SLCO2A1: variants seen among roughly 807,000 people sequenced by gnomAD.
The protein encoded by SLCO2A1 is matrin F/G 1.
SLCO2A1 carries 60 observed loss-of-function variants against 71.7 expected under a neutral mutation model. The observed-to-expected ratio is 0.84, with a 90% CI of 0.68 to 1.04. The LOEUF is 1.04. SLCO2A1 is among the 50% of genes least tolerant of loss of function. The pLI is 0.00. For missense variants in SLCO2A1, 745 were observed against 813.4 expected (o/e 0.92, Z 1.02); for synonymous variants, 308 against 326.7 (o/e 0.94, Z 0.62).
At chr3:133,993,107 C>T (rs1010294642) in intron 1 of SLCO2A1, among the ~76,000 whole-genome samples, 4 of 152,362 alleles carry the variant, frequency 2.6e-5, no homozygotes, top group South Asian at 4.1e-4. Flanking sequence ...GAGTTTTGCT[C>T]CTGCTGGAGT....
intron 3 of SLCO2A1, among the ~76,000 whole-genome samples, chr3:133,956,757 C>G (rs900511009): frequency 1.3e-5 from 2 of 152,116 alleles, no homozygotes; most frequent in Non-Finnish European, 2.9e-5. Flanking sequence ...ACAGCTGGAA[C>G]AGCTTGTTAG....
chr3:134,004,167 T>C (rs1444560641), intron 1 of SLCO2A1, among the ~76,000 whole-genome samples: 1 of 152,008 alleles, frequency 6.6e-6, no homozygotes, highest in African/African-American at 2.4e-5. Flanking sequence ...GGTTGAACCA[T>C]GTGTTAGACA....
At position 133,948,533 on chromosome 3, in the gene SLCO2A1, C is replaced by T; in HGVS notation, c.1105+3G>A. On this transcript the variant is annotated splice_donor_region_variant and intron_variant, in intron 8 of 13. Transcript: ENST00000310926. ...CGGATCCTGCAGCACCCTCTGGGCTCACCAATGAGGAAGTTGGCATAGGCT... is the reference window on the plus strand; with the variant it reads ...CGGATCCTGCAGCACCCTCTGGGCTTACCAATGAGGAAGTTGGCATAGGCT... 9 of 1,612,650 alleles carry T rather than the reference C, an allele frequency of 5.6e-6. No homozygotes were observed. Among genetic ancestry groups the T allele is most frequent in the Non-Finnish European group, 7.6e-6 (9 of 1,179,284 alleles).
rs144748248 is a variant in SLCO2A1 at position 133,973,765 on chromosome 3, G to A, written c.295C>T (p.Arg99Cys). 118 of 1,614,066 alleles carry A rather than the reference G, an allele frequency of 7.3e-5. No individual in the cohort carries two copies. Among genetic ancestry groups the A allele is most frequent in the Admixed American group, 5.8e-4 (35 of 60,028 alleles). ...AAGAGACCTCCGATGCCAATCAGAC[G>A]TGGACGGTGCACCCGGCTGCCAAAG... is the stretch of plus-strand genomic sequence containing the variant. ...SYFGSRVHRP[R>C]LIGIGGLFLA... Residue 99 changes from arginine (R) to cysteine (C), a missense_variant, in exon 3 of 14, where the codon CGT (arginine) becomes TGT (cysteine). Coordinates refer to ENST00000310926, the MANE Select transcript of SLCO2A1 (RefSeq NM_005630.3).
At position 133,935,907 on chromosome 3, in the gene SLCO2A1, G is replaced by A; in HGVS notation, c.1691-10C>T. On this transcript the variant is annotated splice_polypyrimidine_tract_variant and intron_variant, in intron 12 of 13. Transcript: ENST00000310926. ...GGAGATGGCAGCCAGGCTGGAAGAGGGTTCAGAAAGCCCTGGTCAGGTGGA... is the reference window on the plus strand; with the variant it reads ...GGAGATGGCAGCCAGGCTGGAAGAGAGTTCAGAAAGCCCTGGTCAGGTGGA... The A allele has an allele frequency of 6.3e-7, 1 of 1,581,438 alleles. No homozygotes were observed. Among genetic ancestry groups the A allele is most frequent in the Non-Finnish European group, 8.6e-7 (1 of 1,162,016 alleles).
chr3:133,974,257 G>A (rs1576441975), intron 2 of SLCO2A1, among the ~76,000 whole-genome samples: 2 of 152,298 alleles, frequency 1.3e-5, no homozygotes, highest in South Asian at 2.1e-4. Context: ...AGTTTAATTA[G>A]GTACAAATTA....
intron 4 of SLCO2A1, among the ~76,000 whole-genome samples, chr3:133,954,367 G>A (rs1576432364): frequency 6.6e-6 from 1 of 152,128 alleles, no homozygotes; most frequent in East Asian, 1.9e-4. Context: ...TCTCCATGTT[G>A]ATCAGGCTGG....
intron 10 of SLCO2A1, among the ~76,000 whole-genome samples, chr3:133,943,722 A>C (rs77562428): frequency 0.045 from 6,821 of 152,286 alleles, 512 homozygotes; most frequent in African/African-American, 0.16. Flanking sequence ...AAGTTAACAA[A>C]GATAAGAAAA....
chr3:133,955,395 A>T, intron 3 of SLCO2A1: 2 of 580,978 alleles, frequency 3.4e-6, no homozygotes. Context: ...AAGGTGTGAA[A>T]GAGAGGTGGA....
At chr3:134,028,423 T>A (rs1247836778) in intron 1 of SLCO2A1, among the ~76,000 whole-genome samples, 1 of 152,276 alleles carries the variant, frequency 6.6e-6, no homozygotes, top group African/African-American at 2.4e-5. Flanking sequence ...ATTTGGAGAT[T>A]ATTTTAAGCT....
At chr3:133,987,416 A>C (rs1934742406) in intron 1 of SLCO2A1, among the ~76,000 whole-genome samples, 1 of 151,936 alleles carries the variant, frequency 6.6e-6, no homozygotes, top group Non-Finnish European at 1.5e-5. Flanking sequence ...ATCGCAACCC[A>C]GACATTTCCT....
At chr3:133,981,148 T>A (rs1348198541) in intron 1 of SLCO2A1, among the ~76,000 whole-genome samples, 2 of 152,230 alleles carry the variant, frequency 1.3e-5, no homozygotes, top group African/African-American at 2.4e-5. Flanking sequence ...GGGGCTTAGA[T>A]GCTAGTCACC....
At position 133,958,572 on chromosome 3, in the gene SLCO2A1, C is replaced by T. The variant is rs1451473405; in HGVS notation, c.398-3379G>A. Among the ~76,000 whole-genome samples, 3 of 152,184 alleles carry T rather than the reference C, an allele frequency of 2.0e-5. No homozygotes were observed. In the East Asian group the frequency reaches 5.8e-4, roughly 29 times the overall value. On this transcript the variant is annotated intron_variant, in intron 3 of 13. Transcript: ENST00000310926. The stretch of plus-strand genomic sequence containing the variant: ...AAAGAGAGCTAAGCCAGCTGCTCAG[C>T]TTGGGAAGTGTTCAAACATTTATAC...
chr3:133,951,113 T>C (rs1933733283), intron 6 of SLCO2A1, 95 bp downstream of exon 6: 3 of 1,536,058 alleles, frequency 2.0e-6, no homozygotes, highest in Non-Finnish European at 2.7e-6. Context: ...TGAATTTGCT[T>C]AACATGCTGC....
At position 133,940,604 on chromosome 3, in the gene SLCO2A1, A is replaced by G. The variant is rs75959380; in HGVS notation, c.1625+2001T>C. Among the ~76,000 whole-genome samples, 171 of 152,150 alleles carry G rather than the reference A, an allele frequency of 1.1e-3. 2 individuals carry two copies. In the East Asian group the frequency reaches 0.026, roughly 23 times the overall value. ...CCTCATCATGGCCTCATGTAGTTTT[A>G]TGTCAGGGCTGGAGGGTCCACTGTG... On this transcript the variant is annotated intron_variant, in intron 11 of 13. Coordinates refer to ENST00000310926, the MANE Select transcript of SLCO2A1 (RefSeq NM_005630.3).
At position 134,010,491 on chromosome 3, in the gene SLCO2A1, C is replaced by G. The variant is rs542002398; in HGVS notation, c.96+19216G>C. ...GATCTCGGCCGGGCGCGGTGGCTCA[C>G]GCCTGTAATCCCAGCACTTTGGGAG... On this transcript the variant is annotated intron_variant, in intron 1 of 13. Coordinates refer to ENST00000310926, the MANE Select transcript of SLCO2A1 (RefSeq NM_005630.3). Among the ~76,000 whole-genome samples the G allele has an allele frequency of 9.2e-5, 14 of 152,072 alleles. No homozygotes were observed. The South Asian group carries it at 2.9e-3, about 32-fold the overall frequency.
In SLCO2A1 at chr3:133,953,616, C is replaced by G. The variant is rs370200643; in HGVS notation, c.724+47G>C. 3.6e-4 allele frequency: 541 copies of G among 1,492,238 alleles called. 1 individual carries two copies. The highest frequency in any genetic ancestry group is 4.7e-4 in the Non-Finnish European group (500 of 1,069,638). 92.4% of individuals were successfully genotyped at this position (1,492,238 alleles called of 1,614,324 possible). ...GATTGGATGAGGGGGCTGGGGGCTG[C>G]TTTATTGAGCTGGGGATGGGAATGG... On this transcript the variant is annotated intron_variant, in intron 5 of 13. Coordinates refer to ENST00000310926, the MANE Select transcript of SLCO2A1 (RefSeq NM_005630.3).
intron 5 of SLCO2A1, among the ~76,000 whole-genome samples, chr3:133,953,138 G>A (rs58343304): frequency 0.024 from 3,594 of 151,950 alleles, 152 homozygotes; most frequent in African/African-American, 0.08. Context: ...CCAGGTTCAC[G>A]CCATTCTTCT....
At chr3:133,978,606 AC>A (rs1402046482) in intron 2 of SLCO2A1, among the ~76,000 whole-genome samples, 3 of 152,024 alleles carry the variant, frequency 2.0e-5, no homozygotes, top group Non-Finnish European at 4.4e-5. Flanking sequence ...GACTGCACTG[AC>A]TTGAATTTCA....
Sources: gnomAD v4.1 joint callset for allele counts (sites outside exome capture counted in the v4.1 genomes callset) on GRCh38, gnomAD v4.1.1 for gene constraint, MANE v1.5 for transcripts, NCBI Gene and HGNC (gene_info 2026-07-23, HGNC 2026-07-21) for gene names.